Variants in BRWD1 observed in about 807,000 individuals in gnomAD.
The protein encoded by BRWD1 is bromodomain and WD repeat-containing protein 1.
A neutral mutation model predicts 251.2 loss-of-function variants in BRWD1; 82 were observed. That is an observed-to-expected ratio of 0.33 (90% confidence interval 0.27 to 0.39). The LOEUF is 0.39. Among genes scored for constraint, BRWD1 ranks in the 10% least tolerant of loss-of-function variants. The pLI is 1.00. For synonymous variants in BRWD1, 918 were observed against 902.8 expected, an observed-to-expected ratio of 1.02 and a Z score of -0.30; for missense variants, 2,233 against 2,711.6, an observed-to-expected ratio of 0.82 and a Z score of 3.92.
Position 39,264,656 on chromosome 21 carries a change from G to A in BRWD1, c.1689C>T (p.Asp563=), listed in dbSNP as rs769764207. 25 of 1,610,950 alleles carry A rather than the reference G, an allele frequency of 1.6e-5. No homozygotes were observed. The highest frequency in any genetic ancestry group is 2.0e-5 in the Non-Finnish European group (23 of 1,178,578). The part of the protein sequence containing the change: ...KIPDQMFFHT[D]YRPLIRDSNN... ...TAGAATCTCTAATAAGTGGTCGATA[G>A]TCAGTATGGAAGAACATCTGATCAG... Residue 563 remains aspartate (D), a synonymous_variant, in exon 17 of 41, where the codon GAC becomes GAT. Coordinates refer to ENST00000342449, the MANE Select transcript of BRWD1 (RefSeq NM_033656.4).
chr21:39,235,024 A>G (rs971467433), intron 23 of BRWD1, among the ~76,000 whole-genome samples: 20 of 152,288 alleles, frequency 1.3e-4, no homozygotes, highest in Admixed American at 1.2e-3. Flanking sequence ...TAAGGTGGGC[A>G]GATCACCTGA....
intron 9 of BRWD1, 24 bp downstream of exon 9, chr21:39,280,124 T>C (rs761900292): frequency 4.7e-6 from 7 of 1,500,984 alleles, no homozygotes; most frequent in Non-Finnish European, 3.6e-6. Context: ...AAACAAAACC[T>C]GTTACATAAT....
At chr21:39,279,078 G>A (rs1428256150) in intron 9 of BRWD1, among the ~76,000 whole-genome samples, 1 of 151,896 alleles carries the variant, frequency 6.6e-6, no homozygotes, top group Non-Finnish European at 1.5e-5. Flanking sequence ...TATTTCCACA[G>A]ATTTCCATGT....
intron 37 of BRWD1, among the ~76,000 whole-genome samples, chr21:39,205,852 G>T (rs761459922): frequency 7.2e-5 from 11 of 152,016 alleles, no homozygotes; most frequent in Non-Finnish European, 1.6e-4. Flanking sequence ...GGCCAAGGTG[G>T]GTGGATCACC....
At chr21:39,275,983 G>A (rs576217844) in intron 12 of BRWD1, among the ~76,000 whole-genome samples, 190 bp downstream of exon 12, 14 of 152,214 alleles carry the variant, frequency 9.2e-5, no homozygotes, top group African/African-American at 3.4e-4. Flanking sequence ...AGTGAGCCGA[G>A]ATTGTGCCAC....
At chr21:39,298,299 G>A (rs181735124) in intron 5 of BRWD1, 133 bp downstream of exon 5, 1 of 1,339,922 alleles carries the variant, frequency 7.5e-7, no homozygotes, top group East Asian at 2.7e-5. Context: ...GCTAAATGCA[G>A]AGAATTTTAT....
At chr21:39,185,407 AAATT>A (rs1436039280), downstream of BRWD1, 1 of 151,878 alleles carries the variant, frequency 6.6e-6, no homozygotes, top group Non-Finnish European at 1.5e-5. Flanking sequence ...TAAATATTAT[AAATT>A]AAGTGTAAAA....
At chr21:39,286,031 T>TTTTTTTTTTTTTA (rs2035625448) in intron 8 of BRWD1, among the ~76,000 whole-genome samples, 3 of 147,184 alleles carry the variant, frequency 2.0e-5, no homozygotes, top group East Asian at 2.0e-4. Flanking sequence ...TTTTTTTTTT[T>TTTTTTTTTTTTTA]GAGTCAAGAG....
chr21:39,314,174 T>C (rs1458261818), upstream of BRWD1: 1 of 455,908 alleles, frequency 2.2e-6, no homozygotes, highest in Non-Finnish European at 4.4e-6. Flanking sequence ...AAGTGAGGAT[T>C]GGCTCGCCGC....
At chr21:39,248,595 T>C (rs2034278868) in intron 20 of BRWD1, among the ~76,000 whole-genome samples, 1 of 135,646 alleles carries the variant, frequency 7.4e-6, no homozygotes, top group Non-Finnish European at 1.5e-5. Context: ...TGAGCCATGA[T>C]TGCACCACAA....
At chr21:39,203,220 G>A (rs570239362) in intron 37 of BRWD1, among the ~76,000 whole-genome samples, 1 of 152,272 alleles carries the variant, frequency 6.6e-6, no homozygotes, top group South Asian at 2.1e-4. Context: ...GGAGGCCAAG[G>A]CAGGTGGATA....
chr21:39,313,664 T>TCCGCAGGGGAGGGAGTAGTC, upstream of BRWD1: 1 of 430,938 alleles, frequency 2.3e-6, no homozygotes, highest in Non-Finnish European at 3.9e-6. Flanking sequence ...AGGAAGTAGT[T>TCCGCAGGGGAGGGAGTAGTC]CCTCCGCGGG....
chr21:39,212,564 TC>T (rs1384098176), intron 34 of BRWD1, 101 bp downstream of exon 34: 9 of 885,924 alleles, frequency 1.0e-5, no homozygotes, highest in Non-Finnish European at 1.4e-5. Flanking sequence ...ATATTCAGTA[TC>T]TACACTGATA....
intron 25 of BRWD1, among the ~76,000 whole-genome samples, 186 bp downstream of exon 25, chr21:39,231,991 C>A (rs1391105549): frequency 2.0e-5 from 3 of 152,166 alleles, no homozygotes; most frequent in East Asian, 1.9e-4. Context: ...CAGCAACATA[C>A]AAATTTTGCC....
rs779982815 is a variant in BRWD1, at chr21:39,211,043, T to C, written c.3901-114A>G. ...AATACAATAATGTCATATATGTTGC[T>C]CTCAACACATTTTTCCAGAAATGAA... is the stretch of plus-strand genomic sequence containing the variant. On this transcript the variant is annotated intron_variant, in intron 34 of 40. Coordinates refer to ENST00000342449, the MANE Select transcript of BRWD1 (RefSeq NM_033656.4). The C allele has an allele frequency of 1.7e-4, 185 of 1,057,472 alleles. 1 individual carries two copies. The highest frequency in any genetic ancestry group is 2.2e-4 in the Non-Finnish European group (171 of 762,706). The allele number at this position is 1,057,472 out of a possible 1,614,324, so 65.5% of individuals were successfully genotyped here.
intron 36 of BRWD1, among the ~76,000 whole-genome samples, chr21:39,207,838 T>TA (rs1264866861): frequency 3.9e-5 from 6 of 152,244 alleles, no homozygotes; most frequent in Non-Finnish European, 4.4e-5. Context: ...AAAGTTCTGA[T>TA]ACATGCTACA....
In BRWD1 at chr21:39,291,616, C is replaced by G. The variant is rs1204727938; in HGVS notation, c.831+2195G>C. On this transcript the variant is annotated intron_variant, in intron 8 of 40. Coordinates refer to ENST00000342449, the MANE Select transcript of BRWD1 (RefSeq NM_033656.4). Reference sequence around the variant, plus strand: ...AAACAAGCAGCATTCCACCATGAATCCTACTAAGGAGAGTTAACTCTATCC... The same window carrying G: ...AAACAAGCAGCATTCCACCATGAATGCTACTAAGGAGAGTTAACTCTATCC... Among the ~76,000 whole-genome samples, 75 of 152,298 alleles carry G rather than the reference C, an allele frequency of 4.9e-4. 1 individual carries two copies. The highest frequency in any genetic ancestry group is 1.3e-4 in the Non-Finnish European group (9 of 68,032).
At chr21:39,255,339 G>C (rs1488622622) in intron 19 of BRWD1, among the ~76,000 whole-genome samples, 1 of 151,968 alleles carries the variant, frequency 6.6e-6, no homozygotes, top group Non-Finnish European at 1.5e-5. Flanking sequence ...TTGATCCCGG[G>C]AGGTGGAGGT....
At chr21:39,285,131 C>T (rs943919840) in intron 8 of BRWD1, among the ~76,000 whole-genome samples, 6 of 152,176 alleles carry the variant, frequency 3.9e-5, no homozygotes, top group African/African-American at 1.4e-4. Context: ...TATACACACA[C>T]ACAAAATGGA....
Sources: gnomAD v4.1 joint callset for allele counts (sites outside exome capture counted in the v4.1 genomes callset) on GRCh38, gnomAD v4.1.1 for gene constraint, MANE v1.5 for transcripts, NCBI Gene and HGNC (gene_info 2026-07-23, HGNC 2026-07-21) for gene names.